Variants in MASP2 observed in about 807,000 individuals in gnomAD.
MASP2 encodes mannan-binding lectin serine protease 2.
In MASP2, 49 loss-of-function variants were observed where a neutral mutation model predicts 57.1. The observed-to-expected ratio is 0.86, with a 90% CI of 0.68 to 1.09. The LOEUF (loss-of-function observed/expected upper bound fraction) is 1.09. MASP2 is among the 50% of genes least tolerant of loss of function. MASP2 has a pLI of 0.00. For missense variants in MASP2, 900 were observed against 874.8 expected, an observed-to-expected ratio of 1.03 and a Z score of -0.36; for synonymous variants, 379 against 340.8, an observed-to-expected ratio of 1.11 and a Z score of -1.24.
chr1:11,043,741 C>T (rs1026839706), intron 4 of MASP2, among the ~76,000 whole-genome samples: 1 of 152,050 alleles, frequency 6.6e-6, no homozygotes, highest in African/African-American at 2.4e-5. Flanking sequence ...GCTGAGGGGC[C>T]GCTTAGAGAG....
At chr1:11,046,400 T>G in intron 3 of MASP2, 156 bp downstream of exon 3, 2 of 781,942 alleles carry the variant, frequency 2.6e-6, no homozygotes, top group Non-Finnish European at 4.2e-6. Flanking sequence ...TCACGGCTGT[T>G]TTGGTCTTTG....
chr1:11,027,274 C>T lies in MASP2; in HGVS notation c.1672G>A (p.Ala558Thr). ...ITPICLPRKE[A>T]ESFMRTDDIG... ...TCATCTGTCCTCATAAAGGATTCAG[C>T]TTCTTTTCTTGGCAGACAAATAGGC... is the stretch of plus-strand genomic sequence containing the variant. The change falls in exon 11 of 11, where the codon GCT (alanine) becomes ACT (threonine). Residue 558 changes from alanine to threonine, a missense_variant. Transcript: ENST00000400897. 2 of 1,613,936 alleles carry T rather than the reference C, an allele frequency of 1.2e-6. No individual in the cohort carries two copies. The highest frequency in any genetic ancestry group is 1.7e-6 in the Non-Finnish European group (2 of 1,179,884).
Position 11,045,474 on chromosome 1 carries a change from G to GGTGGTTGTGGCA in MASP2, c.466_477dup (p.Cys156_His159dup), listed in dbSNP as rs777682380. ...CGGCAGGAGCAGTAGAAACCGCCCA[G>GGTGGTTGTGGCA]GTGGTTGTGGCAGTGGTGGTCGCAG... On this transcript the variant is annotated inframe_insertion, in exon 4 of 11. Coordinates refer to ENST00000400897, the MANE Select transcript of MASP2 (RefSeq NM_006610.4). The GGTGGTTGTGGCA allele has an allele frequency of 1.4e-5, 23 of 1,613,078 alleles. No homozygotes were observed. In the East Asian group the frequency reaches 5.1e-4, roughly 36 times the overall value.
chr1:11,042,302 G>A (rs1479659537), intron 6 of MASP2, among the ~76,000 whole-genome samples: 2 of 151,434 alleles, frequency 1.3e-5, no homozygotes, highest in Non-Finnish European at 1.5e-5. Context: ...GTGGGTAGAA[G>A]GATAGGTGAA....
chr1:11,032,694 A>C (rs1643863433), intron 8 of MASP2, among the ~76,000 whole-genome samples: 1 of 152,002 alleles, frequency 6.6e-6, no homozygotes, highest in African/African-American at 2.4e-5. Flanking sequence ...GGATCACTTG[A>C]AGTCAGGAGT....
intron 6 of MASP2, 84 bp downstream of exon 6, chr1:11,042,791 G>A (rs1638499978): frequency 6.7e-7 from 1 of 1,489,416 alleles, no homozygotes; most frequent in African/African-American, 1.4e-5. Context: ...CCCAGAAGGA[G>A]CCCTACACTC....
chr1:11,031,528 T>TAAAAAAA (rs565771459), intron 8 of MASP2, among the ~76,000 whole-genome samples: 39,088 of 66,170 alleles, frequency 0.59, 13,054 homozygotes, highest in East Asian at 0.74. Context: ...GACTCTGTCT[T>TAAAAAAA]AAAAAAAAAA....
intron 6 of MASP2, among the ~76,000 whole-genome samples, chr1:11,038,439 G>A (rs986086300): frequency 2.6e-5 from 4 of 152,156 alleles, no homozygotes; most frequent in African/African-American, 9.7e-5. Flanking sequence ...AAAGATCCAG[G>A]CTGATTTGGG....
Position 11,027,585 on chromosome 1 carries a change from C to T in MASP2, c.1361G>A (p.Gly454Asp), listed in dbSNP as rs1355355056. 4 of 1,614,078 alleles carry T rather than the reference C, an allele frequency of 2.5e-6. No homozygotes were observed. Among genetic ancestry groups the T allele is most frequent in the Non-Finnish European group, 3.4e-6 (4 of 1,180,044 alleles). ...TATCAGGACTTGCCAAGGAAAATCACCAGGTTTTGCCTTTTGCCCTCCATA... is the reference window on the plus strand; with the variant it reads ...TATCAGGACTTGCCAAGGAAAATCATCAGGTTTTGCCTTTTGCCCTCCATA... ...RIYGGQKAKP[G>D]DFPWQVLILG... Residue 454 changes from glycine to aspartate, a missense_variant, in exon 11 of 11, where the codon GGT becomes GAT. Physicochemically the swap from Gly to Asp is moderately conservative, Grantham distance 94 (BLOSUM62 -1). Coordinates refer to ENST00000400897, the MANE Select transcript of MASP2 (RefSeq NM_006610.4).
chr1:11,045,617 CATGACCTCAGAG>C, intron 3 of MASP2, 78 bp from the exon 4 acceptor site: 1 of 1,484,922 alleles, frequency 6.7e-7, no homozygotes, highest in Admixed American at 2.0e-5. Context: ...CCAGGAGATC[CATGACCTCAGAG>C]TGGACCTCAG....
chr1:11,028,717 T>G (rs373946618), intron 10 of MASP2, among the ~76,000 whole-genome samples: 29,196 of 138,938 alleles, frequency 0.21, 7,270 homozygotes, highest in African/African-American at 0.61. Context: ...TTTTTTTTTT[T>G]TTTTTTTTTT....
chr1:11,042,176 ACAGACAGGACGATGGGTG>A (rs1385473197), intron 6 of MASP2, among the ~76,000 whole-genome samples: 5 of 149,094 alleles, frequency 3.4e-5, no homozygotes, highest in African/African-American at 7.4e-5. Flanking sequence ...GGATGGATGG[ACAGACAGGACGATGGGTG>A]TATGGATGGA....
intron 4 of MASP2, chr1:11,044,789 G>C: frequency 2.5e-5 from 33 of 1,338,626 alleles, no homozygotes; most frequent in East Asian, 1.9e-4. Flanking sequence ...AGAGACACGT[G>C]GCAGCAGGTG....
At chr1:11,033,951 ACACACACACACACACTCTCT>A (rs1405044214) in intron 8 of MASP2, among the ~76,000 whole-genome samples, 6 of 59,174 alleles carry the variant, frequency 1.0e-4, no homozygotes, top group Admixed American at 1.8e-4. Context: ...ACACACACAC[ACACACACACACACACTCTCT>A]CTCTCTCTCT....
At chr1:11,039,293 C>T (rs1638340608) in intron 6 of MASP2, among the ~76,000 whole-genome samples, 1 of 152,096 alleles carries the variant, frequency 6.6e-6, no homozygotes, top group Non-Finnish European at 1.5e-5. Context: ...CCCTAGTAGA[C>T]ATCCATAGGA....
At chr1:11,039,796 A>G (rs886470943) in intron 6 of MASP2, among the ~76,000 whole-genome samples, 1 of 148,626 alleles carries the variant, frequency 6.7e-6, no homozygotes, top group African/African-American at 2.5e-5. Flanking sequence ...GGTTGGATGA[A>G]TAGAAGAATG....
In MASP2 at chr1:11,042,916, G is replaced by A; in HGVS notation, c.848C>T (p.Ser283Leu). 4 of 1,614,016 alleles carry A rather than the reference G, an allele frequency of 2.5e-6. No individual in the cohort carries two copies. The highest frequency in any genetic ancestry group is 3.4e-6 in the Non-Finnish European group (4 of 1,179,924). Residue 283 changes from serine to leucine, a missense_variant, in exon 6 of 11, where the codon TCA (serine) becomes TTA (leucine). Physicochemically the swap from Ser to Leu is moderately radical, Grantham distance 145. Coordinates refer to ENST00000400897, the MANE Select transcript of MASP2 (RefSeq NM_006610.4). Reference sequence around the variant, plus strand: ...GATCTTCCAGCCTGTGTGGTCTCCTGATTCATCTGTGACAAAGGTGATGGT... The same window carrying A: ...GATCTTCCAGCCTGTGTGGTCTCCTAATTCATCTGTGACAAAGGTGATGGT... ...TVTITFVTDE[S>L]GDHTGWKIHY...
At chr1:11,040,496 A>C (rs1638392745) in intron 6 of MASP2, among the ~76,000 whole-genome samples, 1 of 141,606 alleles carries the variant, frequency 7.1e-6, no homozygotes, top group Non-Finnish European at 1.5e-5. Context: ...GGATGGATGG[A>C]TAGGGTGGGT....
At chr1:11,044,654 C>T (rs1570756037) in intron 4 of MASP2, 2 of 760,922 alleles carry the variant, frequency 2.6e-6, no homozygotes, top group East Asian at 2.9e-5. Context: ...ATCTTCAAAA[C>T]GGGGGGTGAG....
Sources: allele counts gnomAD v4.1 joint callset (sites outside exome capture counted in the v4.1 genomes callset), GRCh38; gene constraint gnomAD v4.1.1; transcripts MANE v1.5; gene names NCBI Gene and HGNC (gene_info 2026-07-23, HGNC 2026-07-21).